Variants in PNPLA6 observed in about 807,000 individuals in gnomAD.
PNPLA6 encodes the protein patatin-like phospholipase domain-containing protein 6.
A neutral mutation model predicts 153.7 loss-of-function variants in PNPLA6; 105 were observed. That is an observed-to-expected ratio of 0.68 (90% CI 0.58 to 0.80). The LOEUF (loss-of-function observed/expected upper bound fraction) is 0.80. PNPLA6 is among the 30% of genes least tolerant of loss of function. The probability of loss-of-function intolerance (pLI) is 0.00; values close to 1 mark genes in which losing one functional copy is unlikely to be tolerated. For synonymous variants in PNPLA6, 825 were observed against 822.2 expected (o/e 1.00, Z -0.06); for missense variants, 1,423 against 1,919.3 (o/e 0.74, Z 4.83).
At chr19:7,536,131 G>A in intron 1 of PNPLA6, 60 bp from the exon 2 acceptor site, 1 of 1,530,088 alleles carries the variant, frequency 6.5e-7, no homozygotes, top group Non-Finnish European at 9.1e-7. Context: ...CGGTACCCCA[G>A]CTCTGGCAGG....
rs772399023 is a variant in PNPLA6 at position 7,541,903 on chromosome 19, G to A, written c.1169-81G>A. ...AATTGCTTTAACTAGTTAATCAGTCGCCAGCATCTCCTTATCTCCCAACCT... is the reference window on the plus strand; with the variant it reads ...AATTGCTTTAACTAGTTAATCAGTCACCAGCATCTCCTTATCTCCCAACCT... On this transcript the variant is annotated intron_variant, in intron 9 of 31. Transcript: ENST00000600737. The surrounding 1 kb of genome is among the most constrained non-coding windows in gnomAD (Gnocchi z 5.2). 21 of 1,291,718 alleles carry A rather than the reference G, an allele frequency of 1.6e-5. No homozygotes were observed. The highest frequency in any genetic ancestry group is 2.3e-5 in the East Asian group (1 of 43,494). The allele number at this position is 1,291,718 out of a possible 1,614,324, so 80.0% of individuals were successfully genotyped here.
intron 21 of PNPLA6, 78 bp downstream of exon 21, chr19:7,554,801 G>T: frequency 6.3e-7 from 1 of 1,588,512 alleles, no homozygotes. Context: ...CAGGCCACGT[G>T]CACCCTCGCC....
At position 7,536,165 on chromosome 19, in the gene PNPLA6, G is replaced by A. The variant is rs1039329793; in HGVS notation, c.233-26G>A. The A allele has an allele frequency of 4.5e-6, 7 of 1,547,886 alleles. No homozygotes were observed. In the South Asian group the frequency reaches 6.7e-5, roughly 15 times the overall value. ...GGGTGGAGTCTGCACAGAGCTCGGAGTGCCCCTGTCCCCACCTATCCCCAG... is the reference window on the plus strand; with the variant it reads ...GGGTGGAGTCTGCACAGAGCTCGGAATGCCCCTGTCCCCACCTATCCCCAG... On this transcript the variant is annotated intron_variant, in intron 1 of 31. Coordinates refer to ENST00000600737, the MANE Select transcript of PNPLA6 (RefSeq NM_001166114.2).
rs760096038 is a variant in PNPLA6, at chr19:7,553,915, C to T, written c.2301C>T (p.Asn767=). ...LGVPPHSELT[N]PASNLATVAI... is the part of the protein sequence containing the mutation. ...TGCCCCCACACTCGGAACTCACCAACCCAGCCAGCAACCTGGCAACTGTGG... is the reference window on the plus strand; with the variant it reads ...TGCCCCCACACTCGGAACTCACCAATCCAGCCAGCAACCTGGCAACTGTGG... Residue 767 remains asparagine, a synonymous_variant, in exon 19 of 32, where the codon AAC becomes AAT. Transcript: ENST00000600737. 3.1e-6 allele frequency: 5 copies of T among 1,614,228 alleles called. No homozygotes were observed. The South Asian group carries it at 5.5e-5, about 18-fold the overall frequency.
chr19:7,540,435 G>T lies in PNPLA6; in HGVS notation c.714+127G>T. On this transcript the variant is annotated intron_variant, in intron 5 of 31. Transcript: ENST00000600737. The surrounding 1 kb of genome is among the most constrained non-coding windows in gnomAD (Gnocchi z 6.8). ...GGAGTCAGGGGAACGGGTGACCGAG[G>T]ACATTTGGGGTAGTCTGCGTAGTTG... 1 of 1,146,512 alleles carries T rather than the reference G, an allele frequency of 8.7e-7. No homozygotes were observed. 71.0% of individuals were successfully genotyped at this position (1,146,512 alleles called of 1,614,324 possible).
In PNPLA6 at chr19:7,541,354, A is replaced by C; in HGVS notation, c.925A>C (p.Ile309Leu). The C allele has an allele frequency of 6.2e-7, 1 of 1,613,370 alleles. No homozygotes were observed. The highest frequency in any genetic ancestry group is 8.5e-7 in the Non-Finnish European group (1 of 1,179,584). ...TGGCCACGCCCCTCGAGCCCTGCAGATCATCATGGTGCGGCTGCAGCGAGT... is the reference window on the plus strand; with the variant it reads ...TGGCCACGCCCCTCGAGCCCTGCAGCTCATCATGGTGCGGCTGCAGCGAGT... ...YPESLVRVVQ[I>L]IMVRLQRVTF... is the part of the protein sequence containing the mutation. Residue 309 changes from isoleucine to leucine, a missense_variant and splice_region_variant, in exon 8 of 32, where the codon ATC becomes CTC. Coordinates refer to ENST00000600737, the MANE Select transcript of PNPLA6 (RefSeq NM_001166114.2). This position sits in a 1 kb window ranked among gnomAD's most constrained non-coding sequence, Gnocchi z 5.2.
Position 7,556,773 on chromosome 19 carries a change from TG to T in PNPLA6, c.3280+55del, listed in dbSNP as rs761937952. 1.5e-5 allele frequency: 20 copies of T among 1,342,754 alleles called. No homozygotes were observed. In the African/African-American group the frequency reaches 2.0e-4, roughly 14 times the overall value. 83.2% of individuals were successfully genotyped at this position (1,342,754 alleles called of 1,614,324 possible). On this transcript the variant is annotated intron_variant, in intron 26 of 31. Coordinates refer to ENST00000600737, the MANE Select transcript of PNPLA6 (RefSeq NM_001166114.2). ...AGCAACCGCTGACGCCACGTGGGGT[TG>T]GGGGGATGCTTCCGGGAGGGCCGCT...
At chr19:7,553,523 A>T (rs2023744765) in intron 18 of PNPLA6, among the ~76,000 whole-genome samples, 3 of 152,192 alleles carry the variant, frequency 2.0e-5, no homozygotes, top group African/African-American at 7.2e-5. Context: ...AGACAGAGGA[A>T]CCAAGGCCAG....
Position 7,550,652 on chromosome 19 carries a change from C to T in PNPLA6, c.2070+12C>T. On this transcript the variant is annotated intron_variant, in intron 16 of 31. Transcript: ENST00000600737. ...ACCTCATCGGCGTGGTGAGCGCGAC[C>T]CCCACCCACTGACCTCTGGCCTTTT... 6.2e-7 allele frequency: 1 copy of T among 1,609,628 alleles called. No homozygotes were observed. Among genetic ancestry groups the T allele is most frequent in the Non-Finnish European group, 8.5e-7 (1 of 1,179,492 alleles).
At chr19:7,557,658 C>A in intron 27 of PNPLA6, 1 of 352,294 alleles carries the variant, frequency 2.8e-6, no homozygotes. Context: ...GTGGGGTGTG[C>A]CTGTAATCCC....
chr19:7,554,015 G>A lies in PNPLA6; in HGVS notation c.2401G>A (p.Gly801Ser), dbSNP rs575336561. Residue 801 changes from glycine (G) to serine (S), a missense_variant and splice_region_variant, in exon 19 of 32, where the codon GGT becomes AGT. Physicochemically the swap from Gly to Ser is moderately conservative, Grantham distance 56. Around this residue, in one of 10 missense-constraint regions of PNPLA6, gnomAD observed 643 missense variants for 835.2 expected, o/e 0.77. Coordinates refer to ENST00000600737, the MANE Select transcript of PNPLA6 (RefSeq NM_001166114.2). ...LELQHALQAI[G>S]PTLLLNSDII... ...GCTGCAGCACGCCCTGCAGGCCATC[G>A]GTCAGTGGGGTGAGGGTCATGGGTG... is the stretch of plus-strand genomic sequence containing the variant. 18 of 1,613,734 alleles carry A rather than the reference G, an allele frequency of 1.1e-5. No homozygotes were observed. Among genetic ancestry groups the A allele is most frequent in the South Asian group, 5.5e-5 (5 of 91,060 alleles).
At position 7,541,841 on chromosome 19, in the gene PNPLA6, C is replaced by T. The variant is rs1457095000; in HGVS notation, c.1169-143C>T. ...CCCAGGTCTGACTCCTATCTGGTAC[C>T]GAGGAAGCTGTGGCCTCGTCCCCAA... On this transcript the variant is annotated intron_variant, in intron 9 of 31. Transcript: ENST00000600737. The surrounding 1 kb of genome is among the most constrained non-coding windows in gnomAD (Gnocchi z 5.2). 11 of 1,109,170 alleles carry T rather than the reference C, an allele frequency of 9.9e-6. No individual in the cohort carries two copies. Among genetic ancestry groups the T allele is most frequent in the South Asian group, 9.2e-5 (7 of 76,384 alleles). The allele number at this position is 1,109,170 out of a possible 1,614,324, so 68.7% of individuals were successfully genotyped here.
chr19:7,542,912 A>G lies in PNPLA6; in HGVS notation c.1514A>G (p.Lys505Arg). The change falls in exon 12 of 32, where the codon AAG becomes AGG. Residue 505 changes from lysine (K) to arginine (R), a missense_variant. This residue lies in a region of PNPLA6 where 267 missense variants were observed against 255.1 expected (regional missense o/e 1.05). Transcript: ENST00000600737. ...IFEAAKQELA[K>R]LMRIEDPSLL... ...GAGGCAGCAAAGCAGGAGCTGGCCA[A>G]GCTGATGCGGATTGAGGTGGGCAGC... 6.2e-7 allele frequency: 1 copy of G among 1,613,642 alleles called. No homozygotes were observed. Among genetic ancestry groups the G allele is most frequent in the Non-Finnish European group, 8.5e-7 (1 of 1,179,916 alleles).
upstream of PNPLA6, chr19:7,535,316 C>A: frequency 1.6e-6 from 1 of 617,496 alleles, no homozygotes; most frequent in South Asian, 1.8e-5. This position sits in a 1 kb window ranked among gnomAD's most constrained non-coding sequence, Gnocchi z 5.0. Flanking sequence ...CATCTCCTGG[C>A]CAGGGCCGAG....
rs375424103 is a variant in PNPLA6 at position 7,540,278 on chromosome 19, C to T, written c.684C>T (p.Asp228=). The change falls in exon 5 of 32, where the codon GAC becomes GAT. Residue 228 remains aspartate (D), a synonymous_variant. Coordinates refer to ENST00000600737, the MANE Select transcript of PNPLA6 (RefSeq NM_001166114.2). The surrounding 1 kb of genome is among the most constrained non-coding windows in gnomAD (Gnocchi z 6.8). The part of the protein sequence containing the change: ...QPDASIYVVQ[D]GLLELCLPGP... The stretch of plus-strand genomic sequence containing the variant: ...ATGCCAGCATCTACGTGGTGCAGGA[C>T]GGGCTGCTGGAGCTCTGTCTGCCAG... 45 of 1,607,656 alleles carry T rather than the reference C, an allele frequency of 2.8e-5. No individual in the cohort carries two copies. The highest frequency in any genetic ancestry group is 6.7e-5 in the Admixed American group (4 of 59,954).
intron 18 of PNPLA6, 38 bp from the exon 19 acceptor site, chr19:7,553,837 G>T: frequency 6.2e-7 from 1 of 1,614,028 alleles, no homozygotes; most frequent in Non-Finnish European, 8.5e-7. Context: ...CTGGACACAG[G>T]TTCGCACCAC....
intron 18 of PNPLA6, among the ~76,000 whole-genome samples, chr19:7,551,886 G>A (rs879819989): frequency 8.6e-5 from 13 of 151,878 alleles, no homozygotes; most frequent in Admixed American, 8.5e-4. Context: ...GATCGCTTGA[G>A]CCCAGGAGAT....
rs1314885033 is a variant in PNPLA6 at position 7,540,811 on chromosome 19, G to A, written c.795+101G>A. The A allele has an allele frequency of 5.1e-6, 8 of 1,564,698 alleles. No homozygotes were observed. The highest frequency in any genetic ancestry group is 4.5e-5 in the East Asian group (2 of 44,648). ...AGGGTCCCCAATCTCTGGTTCATCC[G>A]TTATGCTGCCGATGGCCCCTCACGG... On this transcript the variant is annotated intron_variant, in intron 6 of 31. Coordinates refer to ENST00000600737, the MANE Select transcript of PNPLA6 (RefSeq NM_001166114.2). This position sits in a 1 kb window ranked among gnomAD's most constrained non-coding sequence, Gnocchi z 6.8.
At chr19:7,551,267 A>G in intron 17 of PNPLA6, 95 bp from the exon 18 acceptor site, 3 of 1,305,986 alleles carry the variant, frequency 2.3e-6, no homozygotes, top group Non-Finnish European at 3.3e-6. Context: ...GACCCAGGTA[A>G]CGGGCACCCA....
Sources: allele counts gnomAD v4.1 joint callset (sites outside exome capture counted in the v4.1 genomes callset), GRCh38; gene constraint gnomAD v4.1.1; regional missense constraint gnomAD v4.1.1; non-coding constraint Gnocchi (gnomAD v3.1); transcripts MANE v1.5; gene names NCBI Gene and HGNC (gene_info 2026-07-23, HGNC 2026-07-21).